The following RGS7BP variants were observed in gnomAD, a reference collection of about 807,000 sequenced individuals.
RGS7BP encodes regulator of G protein signaling 7-binding protein.
Under a neutral mutation model 31.3 loss-of-function variants are expected in RGS7BP, and 9 were observed. The ratio of observed to expected loss-of-function variants is 0.29; its 90% CI spans 0.17 to 0.50. The LOEUF (loss-of-function observed/expected upper bound fraction) is 0.50. Ranked by LOEUF, RGS7BP falls within the 20% of genes least tolerant of loss-of-function variation. The probability of loss-of-function intolerance (pLI) is 0.98; values close to 1 mark genes in which losing one functional copy is unlikely to be tolerated. For synonymous variants in RGS7BP, 115 were observed against 120.1 expected, an observed-to-expected ratio of 0.96 and a Z score of 0.28; for missense variants, 274 against 322.0, an observed-to-expected ratio of 0.85 and a Z score of 1.14.
At chr5:64,570,499 A>G (rs1742278590) in intron 2 of RGS7BP, among the ~76,000 whole-genome samples, 1 of 152,184 alleles carries the variant, frequency 6.6e-6, no homozygotes, top group Non-Finnish European at 1.5e-5. Context: ...TACATAAATC[A>G]TTACATTAGG....
chr5:64,604,057 C>T (rs905974060), intron 5 of RGS7BP, among the ~76,000 whole-genome samples: 9 of 152,152 alleles, frequency 5.9e-5, no homozygotes, highest in Non-Finnish European at 1.2e-4. Context: ...GTACAGGCAT[C>T]GTTAGGGAAT....
chr5:64,553,379 C>A (rs1741843007), intron 2 of RGS7BP, among the ~76,000 whole-genome samples: 1 of 151,958 alleles, frequency 6.6e-6, no homozygotes, highest in Non-Finnish European at 1.5e-5. Context: ...ACCACATTGG[C>A]CAGGCTGGTC....
In RGS7BP at chr5:64,507,702, C is replaced by T; in HGVS notation, c.166-9C>T. On this transcript the variant is annotated splice_polypyrimidine_tract_variant and intron_variant, in intron 1 of 5. Coordinates refer to ENST00000334025, the MANE Select transcript of RGS7BP (RefSeq NM_001029875.3). ...TTGGTAAAAAAAAAAAAACTCACTT[C>T]TTTTCCAGCTTGTCCAAGAGTTCAA... 2.6e-6 allele frequency: 4 copies of T among 1,547,628 alleles called. No individual in the cohort carries two copies. In the Admixed American group the frequency reaches 6.3e-5, roughly 24 times the overall value.
intron 2 of RGS7BP, among the ~76,000 whole-genome samples, chr5:64,517,016 GAAAAAAA>G (rs58172150): frequency 1.3e-5 from 1 of 77,010 alleles, no homozygotes; most frequent in African/African-American, 4.2e-5. Context: ...TTCTCGCCCA[GAAAAAAA>G]AAAAAAAAAA....
intron 5 of RGS7BP, among the ~76,000 whole-genome samples, chr5:64,598,788 A>C (rs975434827): frequency 6.6e-6 from 1 of 152,232 alleles, no homozygotes; most frequent in Non-Finnish European, 1.5e-5. Context: ...AATCCAAAAA[A>C]TTAACATATA....
Position 64,533,078 on chromosome 5 carries a change from C to T in RGS7BP, c.332+25201C>T, listed in dbSNP as rs533574139. Among the ~76,000 whole-genome samples, 18 of 152,320 alleles carry T rather than the reference C, an allele frequency of 1.2e-4. No individual in the cohort carries two copies. In the South Asian group the frequency reaches 3.3e-3, roughly 28 times the overall value. ...TGCCAAACAGCTTCTGGATGCCACC[C>T]CTGAGAACTCTTCCCTCTTGCTATG... is the stretch of plus-strand genomic sequence containing the variant. On this transcript the variant is annotated intron_variant, in intron 2 of 5. Transcript: ENST00000334025.
chr5:64,561,488 A>G (rs994398970), intron 2 of RGS7BP, among the ~76,000 whole-genome samples: 2 of 152,136 alleles, frequency 1.3e-5, no homozygotes, highest in Non-Finnish European at 2.9e-5. Context: ...ACCTTCAGCA[A>G]CTTTCACAAC....
intron 2 of RGS7BP, among the ~76,000 whole-genome samples, chr5:64,517,517 T>A (rs1209058070): frequency 6.6e-6 from 1 of 152,152 alleles, no homozygotes; most frequent in Non-Finnish European, 1.5e-5. Context: ...TGTAACAGAG[T>A]GACCCTATCC....
intron 3 of RGS7BP, among the ~76,000 whole-genome samples, chr5:64,577,583 A>T (rs1021082177): frequency 1.3e-5 from 2 of 152,160 alleles, no homozygotes; most frequent in African/African-American, 4.8e-5. Flanking sequence ...TGCCTTCTGA[A>T]GGCTGATTTT....
intron 2 of RGS7BP, among the ~76,000 whole-genome samples, chr5:64,538,520 T>C (rs1741436022): frequency 7.5e-6 from 1 of 133,768 alleles, no homozygotes; most frequent in Admixed American, 7.6e-5. Context: ...TTTTTTTCCT[T>C]TTCTTTTCTT....
At chr5:64,572,739 C>T (rs1318947112) in intron 2 of RGS7BP, among the ~76,000 whole-genome samples, 1 of 151,552 alleles carries the variant, frequency 6.6e-6, no homozygotes, top group Non-Finnish European at 1.5e-5. Context: ...GTTACAGAGG[C>T]ATTTGGGAGA....
chr5:64,607,943 G>C (rs375462023), intron 5 of RGS7BP, among the ~76,000 whole-genome samples: 2 of 151,970 alleles, frequency 1.3e-5, no homozygotes, highest in African/African-American at 4.8e-5. Context: ...CCTCTTCTAC[G>C]AATCAGTTCG....
intron 3 of RGS7BP, among the ~76,000 whole-genome samples, chr5:64,581,050 C>CA (rs1289461117): frequency 1.3e-5 from 2 of 152,056 alleles, no homozygotes; most frequent in African/African-American, 4.8e-5. Context: ...CCTGTCTCTA[C>CA]AAAAAATACA....
intron 3 of RGS7BP, among the ~76,000 whole-genome samples, chr5:64,581,677 C>A (rs1399187293): frequency 6.6e-6 from 1 of 152,182 alleles, no homozygotes; most frequent in African/African-American, 2.4e-5. Context: ...TGAAGATTTT[C>A]CTTCTCTCCC....
At chr5:64,512,483 T>C (rs1368368710) in intron 2 of RGS7BP, among the ~76,000 whole-genome samples, 1 of 152,168 alleles carries the variant, frequency 6.6e-6, no homozygotes, top group Non-Finnish European at 1.5e-5. Context: ...GGCAAAGATA[T>C]TGTCTCTCCC....
At chr5:64,538,763 C>T (rs978852260) in intron 2 of RGS7BP, among the ~76,000 whole-genome samples, 2 of 151,668 alleles carry the variant, frequency 1.3e-5, no homozygotes, top group Admixed American at 1.3e-4. Flanking sequence ...GCCAGGTTGG[C>T]CAGGCTGGTC....
Position 64,609,298 on chromosome 5 carries a change from CA to C in RGS7BP, c.*50del, listed in dbSNP as rs758152094. ...ACTGAGAACATCTGAAAAAAAATCACAAAACCCGAGGACCTCCAGACAGCTG... is the reference window on the plus strand; with the variant it reads ...ACTGAGAACATCTGAAAAAAAATCACAAACCCGAGGACCTCCAGACAGCTG... On this transcript the variant is annotated 3_prime_UTR_variant, in exon 6 of 6. Transcript: ENST00000334025. 2.2e-5 allele frequency: 25 copies of C among 1,145,982 alleles called. 1 individual carries two copies. The South Asian group carries it at 2.9e-4, about 13-fold the overall frequency. 71.0% of individuals were successfully genotyped at this position (1,145,982 alleles called of 1,614,324 possible). A position where few individuals can be genotyped will look rare whatever the true frequency, so the allele number is the denominator to read the frequency against.
In RGS7BP at chr5:64,611,528, A is replaced by G. The variant is rs376676384; in HGVS notation, c.*2276A>G. ...GTTAATAAATTCAGGTCTCACCTCCATGTCTGAAAAGGCTATAGTAGCTAT... is the reference window on the plus strand; with the variant it reads ...GTTAATAAATTCAGGTCTCACCTCCGTGTCTGAAAAGGCTATAGTAGCTAT... On this transcript the variant is annotated 3_prime_UTR_variant, in exon 6 of 6. Coordinates refer to ENST00000334025, the MANE Select transcript of RGS7BP (RefSeq NM_001029875.3). 6.6e-6 allele frequency: 1 copy of G among 152,246 alleles called. No individual in the cohort carries two copies. Among genetic ancestry groups the G allele is most frequent in the African/African-American group, 2.4e-5 (1 of 41,376 alleles). The allele number at this position is 152,246 out of a possible 1,614,324, so 9.4% of individuals were successfully genotyped here.
chr5:64,575,646 T>A, intron 2 of RGS7BP, 128 bp from the exon 3 acceptor site: 1 of 1,394,876 alleles, frequency 7.2e-7, no homozygotes, highest in Non-Finnish European at 9.3e-7. Context: ...AAGCAGGAAG[T>A]CCTATATTTT....
Sources: allele counts gnomAD v4.1 joint callset (sites outside exome capture counted in the v4.1 genomes callset), GRCh38; gene constraint gnomAD v4.1.1; transcripts MANE v1.5; gene names NCBI Gene and HGNC (gene_info 2026-07-23, HGNC 2026-07-21).